KIF13A: variants seen among roughly 807,000 people sequenced by gnomAD.
The protein encoded by KIF13A is kinesin family member 13A.
KIF13A carries 79 observed loss-of-function variants against 212.2 expected under a neutral mutation model. That is an observed-to-expected ratio of 0.37 (90% CI 0.31 to 0.45). The LOEUF (loss-of-function observed/expected upper bound fraction) is 0.45, where lower values mean the gene tolerates loss of function less well. Ranked by LOEUF, KIF13A falls within the 20% of genes least tolerant of loss-of-function variation. The probability of loss-of-function intolerance (pLI) is 1.00; values close to 1 mark genes in which losing one functional copy is unlikely to be tolerated. For missense variants in KIF13A, 1,901 were observed against 2,209.0 expected (o/e 0.86, Z 2.79); for synonymous variants, 789 against 808.6 (o/e 0.98, Z 0.41).
chr6:17,956,043 T>G (rs1420462607), intron 2 of KIF13A, among the ~76,000 whole-genome samples: 17 of 152,192 alleles, frequency 1.1e-4, no homozygotes, highest in Admixed American at 1.1e-3. Flanking sequence ...CAGTCAAGCA[T>G]TTTGAGTGTG....
At chr6:17,906,731 G>A (rs150570504) in intron 2 of KIF13A, among the ~76,000 whole-genome samples, 72 of 152,140 alleles carry the variant, frequency 4.7e-4, no homozygotes, top group African/African-American at 1.7e-3. Flanking sequence ...GAGATTACAC[G>A]CATTAGCTAC....
In KIF13A at chr6:17,825,871, C is replaced by G; in HGVS notation, c.1683G>C (p.Pro561=). The change falls in exon 16 of 39, where the codon CCG becomes CCC. Residue 561 remains proline (P), a synonymous_variant. Coordinates refer to ENST00000259711, the MANE Select transcript of KIF13A (RefSeq NM_022113.6). The surrounding 1 kb of genome is among the most constrained non-coding windows in gnomAD (Gnocchi z 4.5). Reference sequence around the variant, plus strand: ...TGGCTGCATCCAGGTCATGCTCTGGCGGGCCCGTTTCTTTTTCAAAGTCTT... The same window carrying G: ...TGGCTGCATCCAGGTCATGCTCTGGGGGGCCCGTTTCTTTTTCAAAGTCTT... ...WLKDFEKETG[P]PEHDLDAASE... is the part of the protein sequence containing the mutation. 6.2e-7 allele frequency: 1 copy of G among 1,613,914 alleles called. No individual in the cohort carries two copies. Among genetic ancestry groups the G allele is most frequent in the Non-Finnish European group, 8.5e-7 (1 of 1,179,844 alleles).
At position 17,764,361 on chromosome 6, in the gene KIF13A, C is replaced by T; in HGVS notation, c.5167G>A (p.Val1723Ile). 6.2e-7 allele frequency: 1 copy of T among 1,613,990 alleles called. No homozygotes were observed. Among genetic ancestry groups the T allele is most frequent in the African/African-American group, 1.3e-5 (1 of 75,036 alleles). Reference protein sequence around the residue: ...ARGFCPREVTVEHTTNILEDH... With the variant: ...ARGFCPREVTIEHTTNILEDH... ...TCAAGGATGTTGGTGGTGTGTTCTACCGTCACCTCCCTGGGGCAGAATCCC... is the reference window on the plus strand; with the variant it reads ...TCAAGGATGTTGGTGGTGTGTTCTATCGTCACCTCCCTGGGGCAGAATCCC... Residue 1723 changes from valine to isoleucine, a missense_variant, in exon 39 of 39, where the codon GTA becomes ATA. Val to Ile is a conservative substitution (Grantham distance 29). This residue lies in a region of KIF13A where 687 missense variants were observed against 759.1 expected (regional missense o/e 0.90). Transcript: ENST00000259711. This position sits in a 1 kb window ranked among gnomAD's most constrained non-coding sequence, Gnocchi z 5.1.
chr6:17,917,084 T>C (rs1018072166), intron 2 of KIF13A, among the ~76,000 whole-genome samples: 3 of 151,828 alleles, frequency 2.0e-5, no homozygotes, highest in Non-Finnish European at 2.9e-5. Context: ...GAGCTGCCAC[T>C]GGGCTTGGTG....
At chr6:17,858,081 A>ATGTGTGTGTGTG (rs58092993) in intron 4 of KIF13A, among the ~76,000 whole-genome samples, 6 of 144,584 alleles carry the variant, frequency 4.1e-5, no homozygotes, top group African/African-American at 1.6e-4. Context: ...TCAAATAGTT[A>ATGTGTGTGTGTG]TGTGTGTGTG....
At position 17,963,831 on chromosome 6, in the gene KIF13A, G is replaced by T. The variant is rs1377524044; in HGVS notation, c.146+23223C>A. Among the ~76,000 whole-genome samples, 2 of 152,144 alleles carry T rather than the reference G, an allele frequency of 1.3e-5. No individual in the cohort carries two copies. Among genetic ancestry groups the T allele is most frequent in the Admixed American group, 6.5e-5 (1 of 15,268 alleles). ...CAGCCTCCCAAAGTGTTGGGATTAC[G>T]GGCGTGAGCCACCATGCCTGGCCAA... On this transcript the variant is annotated intron_variant, in intron 2 of 38. Coordinates refer to ENST00000259711, the MANE Select transcript of KIF13A (RefSeq NM_022113.6). This position sits in a 1 kb window ranked among gnomAD's most constrained non-coding sequence, Gnocchi z 4.1.
In KIF13A at chr6:17,898,203, T is replaced by A. The variant is rs763417161; in HGVS notation, c.147-23A>T. The stretch of plus-strand genomic sequence containing the variant: ...TTCCTTAATGATGGGAAAAAAAAAA[T>A]TCAGCAGCAGGGATACAGAGGGTTG... On this transcript the variant is annotated intron_variant, in intron 2 of 38. Transcript: ENST00000259711. The surrounding 1 kb of genome is among the most constrained non-coding windows in gnomAD (Gnocchi z 5.2). 3.7e-6 allele frequency: 6 copies of A among 1,609,878 alleles called. No homozygotes were observed. The highest frequency in any genetic ancestry group is 1.7e-5 in the Admixed American group (1 of 59,688).
chr6:17,905,108 T>C (rs1773381117), intron 2 of KIF13A, among the ~76,000 whole-genome samples: 1 of 152,338 alleles, frequency 6.6e-6, no homozygotes, highest in African/African-American at 2.4e-5. Flanking sequence ...CTTAAAACAT[T>C]ATGAGATTCT....
rs565766501 is a variant in KIF13A at position 17,898,018 on chromosome 6, C to A, written c.159+150G>T. 4.8e-6 allele frequency: 3 copies of A among 619,546 alleles called. No homozygotes were observed. In the Admixed American group the frequency reaches 1.0e-4, roughly 21 times the overall value. 38.4% of individuals were successfully genotyped at this position (619,546 alleles called of 1,614,324 possible). ...GTGACACTCTAACTTTATGTTAACA[C>A]TGATATTAATTGTTCATGATGTGAG... On this transcript the variant is annotated intron_variant, in intron 3 of 38. Coordinates refer to ENST00000259711, the MANE Select transcript of KIF13A (RefSeq NM_022113.6). The surrounding 1 kb of genome is among the most constrained non-coding windows in gnomAD (Gnocchi z 5.2).
rs1443460243 is a variant in KIF13A at position 17,918,931 on chromosome 6, T to TTA, written c.147-20753_147-20752dup. 3.3e-5 allele frequency among the ~76,000 whole-genome samples: 5 copies of TTA among 152,182 alleles called. No homozygotes were observed. The highest frequency in any genetic ancestry group is 5.9e-5 in the Non-Finnish European group (4 of 68,032). On this transcript the variant is annotated intron_variant, in intron 2 of 38. Transcript: ENST00000259711. This position sits in a 1 kb window ranked among gnomAD's most constrained non-coding sequence, Gnocchi z 4.8. ...CACAGGTCTCCCCTGGATCTGACAG[T>TTA]TATAAGATCCACGGAAAGAGAGGCT...
intron 4 of KIF13A, among the ~76,000 whole-genome samples, chr6:17,868,617 A>T (rs1172342775): frequency 6.6e-6 from 1 of 151,934 alleles, no homozygotes. Context: ...GCAAAAAAAA[A>T]ATTTTTGCTT....
chr6:17,976,682 G>C lies in KIF13A; in HGVS notation c.146+10372C>G, dbSNP rs187660679. ...GGCTTCTCAAGTGCCGCCAAAGTGGGAGCTCAGGCAGAGGAGGCGCCGAGA... is the reference window on the plus strand; with the variant it reads ...GGCTTCTCAAGTGCCGCCAAAGTGGCAGCTCAGGCAGAGGAGGCGCCGAGA... On this transcript the variant is annotated intron_variant, in intron 2 of 38. Coordinates refer to ENST00000259711, the MANE Select transcript of KIF13A (RefSeq NM_022113.6). Among the ~76,000 whole-genome samples, 475 of 152,284 alleles carry C rather than the reference G, an allele frequency of 3.1e-3. 2 individuals are homozygous for C. Among genetic ancestry groups the C allele is most frequent in the African/African-American group, 0.011 (460 of 41,578 alleles).
intron 38 of KIF13A, among the ~76,000 whole-genome samples, chr6:17,766,540 GATTT>G (rs1240319440): frequency 2.6e-5 from 4 of 151,872 alleles, no homozygotes; most frequent in African/African-American, 4.8e-5. Context: ...GCCCGGCTAG[GATTT>G]ATTTATTTTT....
chr6:17,840,617 T>C (rs1048401843), intron 9 of KIF13A, among the ~76,000 whole-genome samples: 1 of 152,112 alleles, frequency 6.6e-6, no homozygotes, highest in Non-Finnish European at 1.5e-5. Flanking sequence ...GAGAAGACTT[T>C]CCTCTACTTT....
At chr6:17,801,398 G>A (rs753462656) in intron 20 of KIF13A, among the ~76,000 whole-genome samples, 23 of 152,070 alleles carry the variant, frequency 1.5e-4, no homozygotes, top group Non-Finnish European at 2.6e-4. Flanking sequence ...CCAGCTACTC[G>A]GGAGGCTGTG....
chr6:17,814,247 G>A (rs1379358977), intron 17 of KIF13A, among the ~76,000 whole-genome samples: 3 of 93,752 alleles, frequency 3.2e-5, no homozygotes, highest in South Asian at 4.4e-4. Context: ...TACAGTGCCC[G>A]GCTTTTTTTT....
intron 2 of KIF13A, among the ~76,000 whole-genome samples, chr6:17,979,605 T>C (rs963303586): frequency 1.6e-4 from 25 of 152,150 alleles, no homozygotes; most frequent in African/African-American, 5.8e-4. Flanking sequence ...TTAGGTGAGA[T>C]ACAGTTATAT....
chr6:17,804,364 C>G lies in KIF13A; in HGVS notation c.2451G>C (p.Gly817=). 1 of 1,539,564 alleles carries G rather than the reference C, an allele frequency of 6.5e-7. No individual in the cohort carries two copies. Among genetic ancestry groups the G allele is most frequent in the Non-Finnish European group, 8.8e-7 (1 of 1,139,786 alleles). The change falls in exon 20 of 39, where the codon GGG becomes GGC. Residue 817 remains glycine, a synonymous_variant. Coordinates refer to ENST00000259711, the MANE Select transcript of KIF13A (RefSeq NM_022113.6). ...TCCAAGGCTGGCCTGTGCTTACCTC[C>G]CCCTGCTGGCTGATGATAGGGACTG... is the stretch of plus-strand genomic sequence containing the variant. ...QYAVPIISQQ[G]EVAGRLHVEV...
At chr6:17,983,494 CTT>C (rs747300594) in intron 2 of KIF13A, among the ~76,000 whole-genome samples, 17 of 127,318 alleles carry the variant, frequency 1.3e-4, no homozygotes, top group Non-Finnish European at 1.8e-4. Flanking sequence ...GCTGCTGCTG[CTT>C]TTTTTTTTTT....
Sources: allele counts gnomAD v4.1 joint callset (sites outside exome capture counted in the v4.1 genomes callset), GRCh38; gene constraint gnomAD v4.1.1; regional missense constraint gnomAD v4.1.1; non-coding constraint Gnocchi (gnomAD v3.1); transcripts MANE v1.5; gene names NCBI Gene and HGNC (gene_info 2026-07-23, HGNC 2026-07-21).